Variants in SIL1 observed in about 807,000 individuals in gnomAD.
SIL1 encodes the protein SIL1 nucleotide exchange factor, also known as nucleotide exchange factor SIL1.
Under a neutral mutation model 49.1 loss-of-function variants are expected in SIL1, and 40 were observed. The ratio of observed to expected loss-of-function variants is 0.81; its 90% CI spans 0.63 to 1.06. The LOEUF is 1.06. Ranked by LOEUF, SIL1 falls within the 50% of genes least tolerant of loss-of-function variation. SIL1 has a pLI of 0.00. For missense variants in SIL1, 500 were observed against 572.6 expected, an observed-to-expected ratio of 0.87 and a Z score of 1.29; for synonymous variants, 253 against 250.8, an observed-to-expected ratio of 1.01 and a Z score of -0.08.
At chr5:139,089,812 T>C (rs1770303778) in intron 3 of SIL1, among the ~76,000 whole-genome samples, 1 of 152,224 alleles carries the variant, frequency 6.6e-6, no homozygotes, top group African/African-American at 2.4e-5. Context: ...TAGGGAAATG[T>C]GGATAAACTG....
chr5:139,142,486 A>G (rs1406168776), intron 1 of SIL1, among the ~76,000 whole-genome samples: 1 of 152,234 alleles, frequency 6.6e-6, no homozygotes, highest in African/African-American at 2.4e-5. Context: ...GTGGCTCAAC[A>G]TATGAAATGC....
At chr5:139,146,196 G>T (rs1385373538) in intron 1 of SIL1, among the ~76,000 whole-genome samples, 1 of 152,156 alleles carries the variant, frequency 6.6e-6, no homozygotes, top group African/African-American at 2.4e-5. Context: ...ATGTAAGATT[G>T]CCCATGAGTT....
chr5:139,171,510 G>A (rs370631338), intron 1 of SIL1, among the ~76,000 whole-genome samples: 8 of 151,940 alleles, frequency 5.3e-5, no homozygotes, highest in East Asian at 1.9e-4. Context: ...CAGCGTGCTC[G>A]TTAAGAATCA....
chr5:139,111,029 C>T (rs1397957390), intron 3 of SIL1, among the ~76,000 whole-genome samples: 2 of 152,236 alleles, frequency 1.3e-5, no homozygotes, highest in Non-Finnish European at 2.9e-5. Context: ...CAACAAACCT[C>T]ACCCACCACA....
intron 1 of SIL1, among the ~76,000 whole-genome samples, chr5:139,152,112 C>T (rs1751311554): frequency 6.6e-6 from 1 of 152,194 alleles, no homozygotes; most frequent in South Asian, 2.1e-4. Context: ...CTGAACACCG[C>T]AGGCTCGGCA....
intron 1 of SIL1, among the ~76,000 whole-genome samples, chr5:139,169,819 C>G (rs1370126957): frequency 6.9e-6 from 1 of 144,260 alleles, no homozygotes; most frequent in Non-Finnish European, 1.5e-5. Flanking sequence ...AGCTCTACTC[C>G]CTCTCCCCTC....
At chr5:139,121,488 A>G (rs112156554) in intron 2 of SIL1, among the ~76,000 whole-genome samples, 1 of 152,226 alleles carries the variant, frequency 6.6e-6, no homozygotes, top group Non-Finnish European at 1.5e-5. Flanking sequence ...TGGCAAAACG[A>G]AACAATAAGA....
At chr5:138,968,892 C>T (rs551337706) in intron 7 of SIL1, among the ~76,000 whole-genome samples, 42 of 152,136 alleles carry the variant, frequency 2.8e-4, no homozygotes, top group Non-Finnish European at 4.3e-4. Flanking sequence ...CAAGAGCTCA[C>T]GGAATCAGAC....
At chr5:138,968,960 T>C (rs1426213600) in intron 7 of SIL1, among the ~76,000 whole-genome samples, 1 of 152,150 alleles carries the variant, frequency 6.6e-6, no homozygotes, top group African/African-American at 2.4e-5. Flanking sequence ...TTGATTCTCT[T>C]GACCATGGGT....
intron 1 of SIL1, among the ~76,000 whole-genome samples, chr5:139,147,093 C>T (rs890273260): frequency 6.6e-5 from 10 of 152,258 alleles, no homozygotes; most frequent in African/African-American, 1.9e-4. Context: ...AGTGGACAGA[C>T]GAACAGATAA....
chr5:138,968,705 C>G (rs1423415198), intron 7 of SIL1, among the ~76,000 whole-genome samples: 1 of 152,204 alleles, frequency 6.6e-6, no homozygotes, highest in Non-Finnish European at 1.5e-5. Flanking sequence ...GTCTGTTCAA[C>G]TGTGACCTCA....
At chr5:139,194,784 C>A (rs866505002) in intron 1 of SIL1, among the ~76,000 whole-genome samples, 9 of 152,196 alleles carry the variant, frequency 5.9e-5, no homozygotes, top group Admixed American at 5.2e-4. Flanking sequence ...TGGCAGACAG[C>A]CTCTGCAGCA....
intron 1 of SIL1, among the ~76,000 whole-genome samples, chr5:139,145,627 GGCGTGTGTGTGTGTGTGTGTGT>G (rs1340958718): frequency 1.0e-5 from 1 of 97,382 alleles, no homozygotes; most frequent in Non-Finnish European, 2.3e-5. Flanking sequence ...TGGGTGTGGG[GGCGTGTGTGTGTGTGTGTGTGT>G]GTGTGTGTGT....
chr5:139,056,876 G>T (rs2150460719), intron 3 of SIL1, among the ~76,000 whole-genome samples: 1 of 151,966 alleles, frequency 6.6e-6, no homozygotes, highest in South Asian at 2.1e-4. Flanking sequence ...GGAATAGAAA[G>T]GGGGGAAAGG....
chr5:139,082,566 T>C (rs1055633191), intron 3 of SIL1, among the ~76,000 whole-genome samples: 7 of 152,270 alleles, frequency 4.6e-5, no homozygotes, highest in Admixed American at 2.0e-4. Flanking sequence ...AAAAGAGAAA[T>C]TGGTGGAGAC....
chr5:138,993,530 C>T (rs896124535), intron 7 of SIL1, among the ~76,000 whole-genome samples: 2 of 152,158 alleles, frequency 1.3e-5, no homozygotes, highest in African/African-American at 4.8e-5. Context: ...CAATGGAATA[C>T]GGCAAAGGTG....
chr5:139,170,698 G>A (rs1191820999), intron 1 of SIL1, among the ~76,000 whole-genome samples: 2 of 151,502 alleles, frequency 1.3e-5, no homozygotes, highest in East Asian at 4.0e-4. Flanking sequence ...GAAGTGAGGA[G>A]CCCCTCCGCC....
chr5:139,140,123 A>G (rs1431777987), intron 1 of SIL1, among the ~76,000 whole-genome samples: 1 of 152,162 alleles, frequency 6.6e-6, no homozygotes. Context: ...TACAAAAATT[A>G]GCCAGGTGTG....
chr5:138,949,143 G>A (rs543020734), intron 9 of SIL1, among the ~76,000 whole-genome samples: 8 of 152,302 alleles, frequency 5.3e-5, no homozygotes, highest in African/African-American at 7.2e-5. Flanking sequence ...CCCAGCACCC[G>A]GCACAGCAGG....
Sources: allele counts gnomAD v4.1 joint callset (sites outside exome capture counted in the v4.1 genomes callset), GRCh38; gene constraint gnomAD v4.1.1; transcripts MANE v1.5; gene names NCBI Gene and HGNC (gene_info 2026-07-23, HGNC 2026-07-21).